Variants in INPP5B observed in about 807,000 individuals in gnomAD.
INPP5B encodes the protein inositol polyphosphate-5-phosphatase B.
In INPP5B, 90 loss-of-function variants were observed where a neutral mutation model predicts 118.5. The ratio of observed to expected loss-of-function variants is 0.76; its 90% CI spans 0.64 to 0.90. The LOEUF (loss-of-function observed/expected upper bound fraction) is 0.90, where lower values mean the gene tolerates loss of function less well. Among genes scored for constraint, INPP5B ranks in the 40% least tolerant of loss-of-function variants. The pLI is 0.00. For synonymous variants in INPP5B, 385 were observed against 418.9 expected (o/e 0.92, Z 0.99); for missense variants, 984 against 1,125.6 (o/e 0.87, Z 1.80).
chr1:37,892,584 T>C (rs1345945713), intron 7 of INPP5B, among the ~76,000 whole-genome samples: 1 of 152,232 alleles, frequency 6.6e-6, no homozygotes, highest in African/African-American at 2.4e-5. Context: ...AGAATTTTGC[T>C]GCGAAGACTA....
intron 17 of INPP5B, among the ~76,000 whole-genome samples, chr1:37,874,881 G>A (rs1642694932): frequency 6.6e-6 from 1 of 152,076 alleles, no homozygotes; most frequent in South Asian, 2.1e-4. Flanking sequence ...TCTTCCATGT[G>A]GCTCTTCCAT....
At chr1:37,868,471 A>T in intron 20 of INPP5B, 30 bp downstream of exon 20, 1 of 1,483,708 alleles carries the variant, frequency 6.7e-7, no homozygotes. Context: ...CCTGGCCTCA[A>T]TCAGGTCTGA....
At chr1:37,899,629 T>C (rs925895282) in intron 7 of INPP5B, among the ~76,000 whole-genome samples, 1 of 152,166 alleles carries the variant, frequency 6.6e-6, no homozygotes, top group Non-Finnish European at 1.5e-5. Flanking sequence ...ACAGTTCTAC[T>C]TAAGTAGTTA....
intron 7 of INPP5B, among the ~76,000 whole-genome samples, chr1:37,911,067 G>A (rs1447655968): frequency 3.9e-5 from 6 of 152,106 alleles, no homozygotes; most frequent in Admixed American, 1.3e-4. Context: ...CACAAGAGCC[G>A]GGACCGCGCC....
intron 7 of INPP5B, chr1:37,931,661 C>G: frequency 1.3e-6 from 2 of 1,521,984 alleles, no homozygotes; most frequent in East Asian, 2.5e-5. Context: ...AGCTTCCCGC[C>G]GCCCGCCGAA....
At chr1:37,872,877 A>G (rs1418858615) in intron 19 of INPP5B, 53 bp downstream of exon 19, 1 of 1,367,176 alleles carries the variant, frequency 7.3e-7, no homozygotes, top group Non-Finnish European at 1.0e-6. Context: ...ATCTTGTTTG[A>G]CTGGCTTGTC....
intron 6 of INPP5B, among the ~76,000 whole-genome samples, chr1:37,939,443 T>A (rs914180336): frequency 5.9e-5 from 6 of 101,760 alleles, no homozygotes; most frequent in Non-Finnish European, 1.4e-4. Context: ...CCTTTTGTTT[T>A]TGTTTTTGTT....
intron 13 of INPP5B, chr1:37,883,344 C>T: frequency 2.0e-6 from 2 of 985,438 alleles, no homozygotes; most frequent in Non-Finnish European, 2.4e-6. Flanking sequence ...ACACTCTCAG[C>T]CTTTGTTTCT....
At chr1:37,891,227 CAAAAAA>C in intron 8 of INPP5B, 125 bp downstream of exon 8, 1 of 430,178 alleles carries the variant, frequency 2.3e-6, no homozygotes, top group East Asian at 3.7e-5. Flanking sequence ...AACTCTGTCT[CAAAAAA>C]AAAAAAAAAG....
At chr1:37,939,109 G>A (rs920699424) in intron 6 of INPP5B, among the ~76,000 whole-genome samples, 6 of 150,852 alleles carry the variant, frequency 4.0e-5, no homozygotes, top group Non-Finnish European at 5.9e-5. Context: ...CAGGAGAATC[G>A]CTTGAACCCA....
chr1:37,868,068 G>A (rs1329694827), intron 20 of INPP5B, among the ~76,000 whole-genome samples: 4 of 152,152 alleles, frequency 2.6e-5, no homozygotes, highest in Non-Finnish European at 5.9e-5. Context: ...AGAGCGCGGT[G>A]GCTCATGCCT....
chr1:37,917,339 T>TATATA (rs1557694463), intron 7 of INPP5B, among the ~76,000 whole-genome samples: 7 of 120,692 alleles, frequency 5.8e-5, no homozygotes, highest in African/African-American at 1.8e-4. Context: ...TATATATATA[T>TATATA]TTGAGAAAGG....
At chr1:37,898,260 G>A (rs573787147) in intron 7 of INPP5B, among the ~76,000 whole-genome samples, 1 of 152,286 alleles carries the variant, frequency 6.6e-6, no homozygotes, top group African/African-American at 2.4e-5. Flanking sequence ...TGGTTGCCAG[G>A]GGTTTTGGGG....
intron 7 of INPP5B, among the ~76,000 whole-genome samples, chr1:37,908,524 G>C (rs541522918): frequency 1.3e-5 from 2 of 151,244 alleles, no homozygotes; most frequent in Non-Finnish European, 2.9e-5. Flanking sequence ...GATAGCTTGA[G>C]CCCAGGAGTT....
chr1:37,911,691 C>A (rs957221167), intron 7 of INPP5B, among the ~76,000 whole-genome samples: 1 of 152,192 alleles, frequency 6.6e-6, no homozygotes, highest in Non-Finnish European at 1.5e-5. Context: ...ATATCCTGCA[C>A]CACCATGCTG....
At chr1:37,883,594 G>GT (rs781323442) in intron 13 of INPP5B, 21 of 985,286 alleles carry the variant, frequency 2.1e-5, no homozygotes, top group Non-Finnish European at 2.5e-5. Context: ...CTGCACAGCA[G>GT]TACACGCACA....
At chr1:37,916,644 G>A (rs943928965) in intron 7 of INPP5B, among the ~76,000 whole-genome samples, 2 of 151,962 alleles carry the variant, frequency 1.3e-5, no homozygotes, top group Admixed American at 1.3e-4. Context: ...TCGAACTCCC[G>A]ACCTCAGGTG....
chr1:37,917,315 T>TATATATATATATAC (rs1644906518), intron 7 of INPP5B, among the ~76,000 whole-genome samples: 1 of 16,460 alleles, frequency 6.1e-5, no homozygotes, highest in Non-Finnish European at 4.6e-4. Flanking sequence ...TAATTATATA[T>TATATATATATATAC]ATATATATAT....
intron 21 of INPP5B, 55 bp downstream of exon 21, chr1:37,866,404 T>TCACACACACACACA (rs1491111834): frequency 0.013 from 4,699 of 361,466 alleles, 21 homozygotes; most frequent in African/African-American, 0.039. Context: ...TCTCTCTCTC[T>TCACACACACACACA]CTCACACACA....
Sources: gnomAD v4.1 joint callset for allele counts (sites outside exome capture counted in the v4.1 genomes callset) on GRCh38, gnomAD v4.1.1 for gene constraint, MANE v1.5 for transcripts, NCBI Gene and HGNC (gene_info 2026-07-23, HGNC 2026-07-21) for gene names.